ARSA: variants seen among roughly 807,000 people sequenced by gnomAD.
The protein encoded by ARSA is cerebroside-sulfatase.
In ARSA, 32 loss-of-function variants were observed where a neutral mutation model predicts 37.8. The observed-to-expected ratio is 0.85, with a 90% CI of 0.64 to 1.14. The LOEUF is 1.14. Ranked by LOEUF, ARSA falls within the 50% of genes most tolerant of loss-of-function variation. The pLI is 0.00. For missense variants in ARSA, 685 were observed against 686.3 expected, an observed-to-expected ratio of 1.00 and a Z score of 0.02; for synonymous variants, 303 against 303.4, an observed-to-expected ratio of 1.00 and a Z score of 0.01.
chr22:50,626,723 G>T lies in ARSA; in HGVS notation c.722C>A (p.Ala241Glu), dbSNP rs2082675855. 2 of 1,614,112 alleles carry T rather than the reference G, an allele frequency of 1.2e-6. No individual in the cohort carries two copies. Among genetic ancestry groups the T allele is most frequent in the Non-Finnish European group, 1.7e-6 (2 of 1,179,994 alleles). Residue 241 changes from alanine (A) to glutamate (E), a missense_variant, in exon 4 of 8, where the codon GCA becomes GAA. Transcript: ENST00000216124. ...HYPQFSGQSF[A>E]ERSGRGPFGD... Reference sequence around the variant, plus strand: ...AAATGGCCCGCGGCCTGAACGCTCTGCAAAGCTCTGCCCACTGAACTGAGG... The same window carrying T: ...AAATGGCCCGCGGCCTGAACGCTCTTCAAAGCTCTGCCCACTGAACTGAGG...
Position 50,627,877 on chromosome 22 carries a change from C to T in ARSA, c.-98G>A. On this transcript the variant is annotated 5_prime_UTR_variant, in exon 1 of 8. Transcript: ENST00000216124. ...CAGGCGCCGCCCTTCCCTGAGACCCCGGACCCAAATACTCCCCGACCCTGA... is the reference window on the plus strand; with the variant it reads ...CAGGCGCCGCCCTTCCCTGAGACCCTGGACCCAAATACTCCCCGACCCTGA... 8.0e-7 allele frequency: 1 copy of T among 1,250,324 alleles called. No homozygotes were observed. The highest frequency in any genetic ancestry group is 1.4e-5 in the South Asian group (1 of 70,876). The allele number at this position is 1,250,324 out of a possible 1,614,324, so 77.5% of individuals were successfully genotyped here. A position where few individuals can be genotyped will look rare whatever the true frequency, so the allele number is the denominator to read the frequency against.
chr22:50,627,545 C>G lies in ARSA; in HGVS notation c.224+11G>C. The G allele has an allele frequency of 6.4e-7, 1 of 1,560,056 alleles. No individual in the cohort carries two copies. Among genetic ancestry groups the G allele is most frequent in the Non-Finnish European group, 8.7e-7 (1 of 1,151,792 alleles). On this transcript the variant is annotated intron_variant, in intron 1 of 7. Transcript: ENST00000216124. ...GGTCGGGGCGGGGAAGAGGCGCGGC[C>G]CCCTCTTTACCTAGAGGGTGTGCAC...
In ARSA at chr22:50,626,896, G is replaced by A. The variant is rs1415545751; in HGVS notation, c.622C>T (p.His208Tyr). Residue 208 changes from histidine (H) to tyrosine (Y), a missense_variant, in exon 3 of 8, where the codon CAT becomes TAT. By Grantham distance (83) the His-to-Tyr change is moderately conservative. Coordinates refer to ENST00000216124, the MANE Select transcript of ARSA (RefSeq NM_000487.6). ...GLEARYMAFA[H>Y]DLMADAQRQD... ...CGCTGGGCGTCGGCCATGAGGTCATGGGCGAAAGCCATGTAGCGGGCCTCT... is the reference window on the plus strand; with the variant it reads ...CGCTGGGCGTCGGCCATGAGGTCATAGGCGAAAGCCATGTAGCGGGCCTCT... The A allele has an allele frequency of 1.2e-6, 2 of 1,613,322 alleles. No homozygotes were observed. The highest frequency in any genetic ancestry group is 2.2e-5 in the East Asian group (1 of 44,890).
chr22:50,626,416 A>G (rs2082669628), intron 4 of ARSA, 138 bp from the exon 5 acceptor site: 2 of 1,499,598 alleles, frequency 1.3e-6, no homozygotes, highest in African/African-American at 1.4e-5. Context: ...CAGGCCTACC[A>G]AGACCAGCTC....
rs759081183 is a variant in ARSA, at chr22:50,627,786, GAGGGGTCTGTCCCAAGAGAGGGAGGGCT to G, written c.-35_-8del. 3 of 1,541,332 alleles carry G rather than the reference GAGGGGTCTGTCCCAAGAGAGGGAGGGCT, an allele frequency of 1.9e-6. No individual in the cohort carries two copies. In the African/African-American group the frequency reaches 4.1e-5, roughly 21 times the overall value. ...GCGGTGCCCCCATGGACATGGGACC[GAGGGGTCTGTCCCAAGAGAGGGAGGGCT>G]ACTTGGCTCCAGCAGGCTCTTTCCG... On this transcript the variant is annotated 5_prime_UTR_variant, in exon 1 of 8. Coordinates refer to ENST00000216124, the MANE Select transcript of ARSA (RefSeq NM_000487.6).
rs1254496905 is a variant in ARSA, at chr22:50,623,524, C to T, written c.*1621G>A. On this transcript the variant is annotated 3_prime_UTR_variant, in exon 8 of 8. Transcript: ENST00000216124. ...GTACAATTATAGCTCACTACAGCCT[C>T]GACCTAGTGGGCTGAAGTGATTCTC... Among the ~76,000 whole-genome samples the T allele has an allele frequency of 2.6e-5, 4 of 152,120 alleles. No homozygotes were observed. Among genetic ancestry groups the T allele is most frequent in the African/African-American group, 7.2e-5 (3 of 41,410 alleles).
chr22:50,623,937 A>AAAAAAAAAC lies in ARSA; in HGVS notation c.*1207_*1208insGTTTTTTTT. 1 of 140,482 alleles carries AAAAAAAAAC rather than the reference A, an allele frequency of 7.1e-6. No individual in the cohort carries two copies. The highest frequency in any genetic ancestry group is 2.7e-5 in the African/African-American group (1 of 37,586). 8.7% of individuals were successfully genotyped at this position (140,482 alleles called of 1,614,324 possible). On this transcript the variant is annotated 3_prime_UTR_variant, in exon 8 of 8. Coordinates refer to ENST00000216124, the MANE Select transcript of ARSA (RefSeq NM_000487.6). ...AAAAAAAAAAAAAAAAAAAAAAAAA[A>AAAAAAAAAC]ACAAAAACAAATCTTTAGAGCTGGG... is the stretch of plus-strand genomic sequence containing the variant.
rs750887376 is a variant in ARSA at position 50,625,973 on chromosome 22, C to T, written c.1070G>A (p.Gly357Asp). 1 of 1,574,788 alleles carries T rather than the reference C, an allele frequency of 6.4e-7. No individual in the cohort carries two copies. Among genetic ancestry groups the T allele is most frequent in the Non-Finnish European group, 8.6e-7 (1 of 1,160,846 alleles). ...CAGCAGCAGGGGGCTGAGGTCAAAGCCATCCAAGGTGACATTGGGCAGTGG... is the reference window on the plus strand; with the variant it reads ...CAGCAGCAGGGGGCTGAGGTCAAAGTCATCCAAGGTGACATTGGGCAGTGG... ...GAPLPNVTLD[G>D]FDLSPLLLGT... Residue 357 changes from glycine (G) to aspartate (D), a missense_variant, in exon 6 of 8, where the codon GGC (glycine) becomes GAC (aspartate). By Grantham distance (94) the Gly-to-Asp change is moderately conservative (BLOSUM62 -1). Coordinates refer to ENST00000216124, the MANE Select transcript of ARSA (RefSeq NM_000487.6).
chr22:50,626,454 C>G (rs2082670269), intron 4 of ARSA, 137 bp downstream of exon 4: 12 of 1,491,382 alleles, frequency 8.0e-6, no homozygotes, highest in Non-Finnish European at 1.0e-5. Context: ...CTGACTACAC[C>G]TTGGGCCCCT....
At position 50,625,114 on chromosome 22, in the gene ARSA, C is replaced by T. The variant is rs1465715862; in HGVS notation, c.*31G>A. 2.0e-6 allele frequency: 3 copies of T among 1,505,694 alleles called. No homozygotes were observed. The Admixed American group carries it at 6.4e-5, about 32-fold the overall frequency. 93.3% of individuals were successfully genotyped at this position (1,505,694 alleles called of 1,614,324 possible). On this transcript the variant is annotated 3_prime_UTR_variant, in exon 8 of 8. Transcript: ENST00000216124. ...TCCCCCACAGGCTCCCAGTGAGGAGCCATCACATGCCCAGGCCAGCCGAGG... is the reference window on the plus strand; with the variant it reads ...TCCCCCACAGGCTCCCAGTGAGGAGTCATCACATGCCCAGGCCAGCCGAGG...
At chr22:50,626,392 A>T in intron 4 of ARSA, 114 bp from the exon 5 acceptor site, 1 of 1,522,810 alleles carries the variant, frequency 6.6e-7, no homozygotes, top group Admixed American at 1.9e-5. Context: ...GCCCAGCATG[A>T]GCCCGGCACC....
rs866283746 is a variant in ARSA at position 50,627,635 on chromosome 22, G to T, written c.145C>A (p.Pro49Thr). Residue 49 changes from proline to threonine, a missense_variant, in exon 1 of 8, where the codon CCC (proline) becomes ACC (threonine). Pro to Thr is a conservative substitution (Grantham distance 38). Transcript: ENST00000216124. ...GCYGHPSSTT[P>T]NLDQLAAGGL... is the part of the protein sequence containing the mutation. ...CCCGCCGCCAGCTGGTCCAGGTTGG[G>T]AGTGGTAGAGCTGGGGTGCCCATAG... is the stretch of plus-strand genomic sequence containing the variant. 6.4e-7 allele frequency: 1 copy of T among 1,561,066 alleles called. No homozygotes were observed. Among genetic ancestry groups the T allele is most frequent in the Non-Finnish European group, 8.7e-7 (1 of 1,152,096 alleles).
chr22:50,626,927 G>C lies in ARSA; in HGVS notation c.591C>G (p.Pro197=). Reference sequence around the variant, plus strand: ...AAGCCATGTAGCGGGCCTCTAGTCCGGGCAGCCAGGGGGGCTGCGCCTCCA... The same window carrying C: ...AAGCCATGTAGCGGGCCTCTAGTCCCGGCAGCCAGGGGGGCTGCGCCTCCA... ...LSVEAQPPWL[P]GLEARYMAFA... Residue 197 remains proline (P), a synonymous_variant, in exon 3 of 8, where the codon CCC becomes CCG. Coordinates refer to ENST00000216124, the MANE Select transcript of ARSA (RefSeq NM_000487.6). The C allele has an allele frequency of 6.2e-7, 1 of 1,613,228 alleles. No homozygotes were observed. The highest frequency in any genetic ancestry group is 1.1e-5 in the South Asian group (1 of 91,086).
Position 50,627,795 on chromosome 22 carries a change from G to A in ARSA, c.-16C>T, listed in dbSNP as rs2082703346. ...CCATGGACATGGGACCGAGGGGTCT[G>A]TCCCAAGAGAGGGAGGGCTACTTGG... On this transcript the variant is annotated 5_prime_UTR_variant, in exon 1 of 8. Transcript: ENST00000216124. 1.3e-6 allele frequency: 2 copies of A among 1,536,112 alleles called. No homozygotes were observed. Among genetic ancestry groups the A allele is most frequent in the East Asian group, 2.5e-5 (1 of 40,788 alleles).
Position 50,623,473 on chromosome 22 carries a change from T to C in ARSA, c.*1672A>G, listed in dbSNP as rs1328055933. 1 of 152,210 alleles carries C rather than the reference T, an allele frequency of 6.6e-6. No homozygotes were observed. Among genetic ancestry groups the C allele is most frequent in the Non-Finnish European group, 1.5e-5 (1 of 68,038 alleles). 9.4% of individuals were successfully genotyped at this position (152,210 alleles called of 1,614,324 possible). On this transcript the variant is annotated 3_prime_UTR_variant, in exon 8 of 8. Transcript: ENST00000216124. ...TGTTTATTTGCAGACAGGGTCTCAC[T>C]CTGTCCCCGAGGCTGGAGTGCAGTG...
At position 50,625,654 on chromosome 22, in the gene ARSA, G is replaced by T; in HGVS notation, c.1135C>A (p.Pro379Thr). 6.2e-7 allele frequency: 1 copy of T among 1,613,736 alleles called. No individual in the cohort carries two copies. Among genetic ancestry groups the T allele is most frequent in the South Asian group, 1.1e-5 (1 of 91,086 alleles). Residue 379 changes from proline to threonine, a missense_variant, in exon 7 of 8, where the codon CCG (proline) becomes ACG (threonine). Pro to Thr is a conservative substitution (Grantham distance 38). Transcript: ENST00000216124. ...KSPRQSLFFY[P>T]SYPDEVRGVF... ...CCACGGACCTCGTCTGGGTAGGACGGGTAGAAGAAGAGAGACTGCCGAGGG... is the reference window on the plus strand; with the variant it reads ...CCACGGACCTCGTCTGGGTAGGACGTGTAGAAGAAGAGAGACTGCCGAGGG...
rs538685392 is a variant in ARSA, at chr22:50,623,686, G to A, written c.*1459C>T. ...GGCTGAGGCGGGTGGATCACCTGAG[G>A]TCAGGAGTTTGAGACCAGCCTGGCC... On this transcript the variant is annotated 3_prime_UTR_variant, in exon 8 of 8. Coordinates refer to ENST00000216124, the MANE Select transcript of ARSA (RefSeq NM_000487.6). 1 of 152,096 alleles carries A rather than the reference G, an allele frequency of 6.6e-6. No individual in the cohort carries two copies. 9.4% of individuals were successfully genotyped at this position (152,096 alleles called of 1,614,324 possible).
chr22:50,627,569 A>T lies in ARSA; in HGVS notation c.211T>A (p.Cys71Ser). ...FTDFYVPVSLCTPSRAALLTG... is the reference protein window; with the variant it reads ...FTDFYVPVSLSTPSRAALLTG... ...CCCCCTCTTTACCTAGAGGGTGTGC[A>T]CAGAGACACAGGCACGTAGAAGTCT... The change falls in exon 1 of 8, where the codon TGC (cysteine) becomes AGC (serine). Residue 71 changes from cysteine to serine, a missense_variant. By Grantham distance (112) the Cys-to-Ser change is moderately radical. Coordinates refer to ENST00000216124, the MANE Select transcript of ARSA (RefSeq NM_000487.6). The T allele has an allele frequency of 1.3e-6, 2 of 1,560,856 alleles. No homozygotes were observed. The highest frequency in any genetic ancestry group is 1.7e-6 in the Non-Finnish European group (2 of 1,152,008).
At chr22:50,627,125 T>G (rs776006082) in intron 2 of ARSA, 41 bp downstream of exon 2, 2 of 1,594,826 alleles carry the variant, frequency 1.3e-6, no homozygotes, top group Non-Finnish European at 1.7e-6. Flanking sequence ...TGGGGGACTT[T>G]GGGAGGTGGG....
Sources: gnomAD v4.1 joint callset for allele counts (sites outside exome capture counted in the v4.1 genomes callset) on GRCh38, gnomAD v4.1.1 for gene constraint, MANE v1.5 for transcripts, NCBI Gene and HGNC (gene_info 2026-07-23, HGNC 2026-07-21) for gene names.